Variants in LYN observed in about 807,000 individuals in gnomAD.
LYN encodes tyrosine-protein kinase Lyn.
A neutral mutation model predicts 65.0 loss-of-function variants in LYN; 12 were observed. That is an observed-to-expected ratio of 0.18 (90% CI 0.12 to 0.30). The LOEUF is 0.30. Ranked by LOEUF, LYN falls within the 10% of genes least tolerant of loss-of-function variation. The pLI is 1.00. For missense variants in LYN, 380 were observed against 623.2 expected (o/e 0.61, Z 4.16); for synonymous variants, 222 against 221.2 (o/e 1.00, Z -0.03).
intron 4 of LYN, among the ~76,000 whole-genome samples, 197 bp downstream of exon 4, chr8:55,947,920 C>G (rs1196886966): frequency 6.6e-6 from 1 of 152,158 alleles, no homozygotes; most frequent in African/African-American, 2.4e-5. Flanking sequence ...TTAAGTCGGT[C>G]TGTGAGCACA....
intron 1 of LYN, among the ~76,000 whole-genome samples, chr8:55,924,641 C>T (rs1044810743): frequency 8.6e-5 from 13 of 151,872 alleles, no homozygotes; most frequent in African/African-American, 2.9e-4. Flanking sequence ...TGAGATTACA[C>T]GCATGAGCCA....
Position 55,911,190 on chromosome 8 carries a change from C to CGTGTATATATATGT in LYN, c.-5-30665_-5-30664insGTGTATATATATGT, listed in dbSNP as rs1554576221. ...ATATACACGTATATATATATATATA[C>CGTGTATATATATGT]ACACACACATATATATATACACGTG... On this transcript the variant is annotated intron_variant, in intron 1 of 12. Coordinates refer to ENST00000519728, the MANE Select transcript of LYN (RefSeq NM_002350.4). 5.2e-4 allele frequency among the ~76,000 whole-genome samples: 6 copies of CGTGTATATATATGT among 11,576 alleles called. 1 individual carries two copies. The highest frequency in any genetic ancestry group is 0.14 in the East Asian group (2 of 14). The allele number at this position is 11,576 out of a possible 152,430, so 7.6% of individuals were successfully genotyped here. A position where few individuals can be genotyped will look rare whatever the true frequency, so the allele number is the denominator to read the frequency against.
intron 10 of LYN, among the ~76,000 whole-genome samples, chr8:55,985,388 G>A (rs1040586935): frequency 6.6e-6 from 1 of 152,072 alleles, no homozygotes; most frequent in Admixed American, 6.6e-5. Context: ...GGCTTCCCTC[G>A]CAAACACATG....
intron 1 of LYN, among the ~76,000 whole-genome samples, chr8:55,886,982 T>C (rs1804815409): frequency 6.6e-6 from 1 of 152,246 alleles, no homozygotes; most frequent in African/African-American, 2.4e-5. Context: ...TTTGTATCCA[T>C]TAATCAACAT....
chr8:55,890,328 A>G (rs1422749143), intron 1 of LYN, among the ~76,000 whole-genome samples: 1 of 152,104 alleles, frequency 6.6e-6, no homozygotes, highest in Non-Finnish European at 1.5e-5. Flanking sequence ...AATAATAACA[A>G]TAATAAAAAG....
At chr8:55,890,227 G>C (rs1204460325) in intron 1 of LYN, among the ~76,000 whole-genome samples, 2 of 151,882 alleles carry the variant, frequency 1.3e-5, no homozygotes, top group Admixed American at 6.6e-5. Flanking sequence ...CAGGAGGATT[G>C]CTTGAGCCCA....
At position 55,952,156 on chromosome 8, in the gene LYN, G is replaced by C. The variant is rs778427830; in HGVS notation, c.637+41G>C. On this transcript the variant is annotated intron_variant, in intron 7 of 12. Coordinates refer to ENST00000519728, the MANE Select transcript of LYN (RefSeq NM_002350.4). ...AGGTTCAACAAGACAAGATATATTT[G>C]TTATGATATGTATAAGACGTCAAAC... is the stretch of plus-strand genomic sequence containing the variant. 7.3e-6 allele frequency: 11 copies of C among 1,506,186 alleles called. No homozygotes were observed. In the African/African-American group the frequency reaches 1.3e-4, roughly 17 times the overall value. 93.3% of individuals were successfully genotyped at this position (1,506,186 alleles called of 1,614,324 possible).
At chr8:55,887,595 C>CACACACACACACACACACACACAA (rs1804837362) in intron 1 of LYN, among the ~76,000 whole-genome samples, 1 of 110,524 alleles carries the variant, frequency 9.0e-6, no homozygotes, top group Non-Finnish European at 1.9e-5. Context: ...CACACACACA[C>CACACACACACACACACACACACAA]ACACACACAT....
intron 1 of LYN, among the ~76,000 whole-genome samples, chr8:55,921,732 G>C (rs1474544380): frequency 6.6e-6 from 1 of 152,200 alleles, no homozygotes; most frequent in African/African-American, 2.4e-5. Flanking sequence ...CCTGGGAGAG[G>C]CAGGGAGGGG....
At chr8:55,984,017 G>A (rs1163046180) in intron 10 of LYN, among the ~76,000 whole-genome samples, 11 of 152,058 alleles carry the variant, frequency 7.2e-5, no homozygotes, top group African/African-American at 1.9e-4. Context: ...TGGCAGCTCC[G>A]ATGTTCCATT....
intron 1 of LYN, among the ~76,000 whole-genome samples, chr8:55,900,539 A>ATTTTTTT (rs5891598): frequency 7.9e-6 from 1 of 126,448 alleles, no homozygotes. Flanking sequence ...TGCCCAGCTA[A>ATTTTTTT]TTTTTTTTTT....
intron 10 of LYN, among the ~76,000 whole-genome samples, chr8:55,985,191 T>C (rs1808042702): frequency 6.6e-6 from 1 of 152,248 alleles, no homozygotes; most frequent in Admixed American, 6.5e-5. Flanking sequence ...CTCACTGCTC[T>C]AAGTGAGTGA....
At chr8:55,893,949 G>A (rs957763097) in intron 1 of LYN, 1 of 152,224 alleles carries the variant, frequency 6.6e-6, no homozygotes, top group African/African-American at 2.4e-5. Context: ...TGGGACTAGA[G>A]GCATGTGCCA....
chr8:55,995,333 T>G (rs1808346368), intron 10 of LYN, among the ~76,000 whole-genome samples: 1 of 152,162 alleles, frequency 6.6e-6, no homozygotes, highest in Non-Finnish European at 1.5e-5. Context: ...GCTGTGCATC[T>G]CCCCAGTGCT....
At chr8:55,979,806 G>A (rs1274841701) in intron 10 of LYN, among the ~76,000 whole-genome samples, 1 of 152,212 alleles carries the variant, frequency 6.6e-6, no homozygotes, top group Non-Finnish European at 1.5e-5. Context: ...CCAAGCAGCA[G>A]CCTGACACCC....
chr8:55,915,337 T>G (rs1011756763), intron 1 of LYN, among the ~76,000 whole-genome samples: 1 of 152,232 alleles, frequency 6.6e-6, no homozygotes, highest in Non-Finnish European at 1.5e-5. Flanking sequence ...TGTTTAAATA[T>G]ATTTTATTAA....
At chr8:55,928,466 A>G (rs1369477250) in intron 1 of LYN, among the ~76,000 whole-genome samples, 1 of 152,114 alleles carries the variant, frequency 6.6e-6, no homozygotes, top group East Asian at 1.9e-4. Context: ...TTAATTTGCA[A>G]TTCCCAGGTG....
At chr8:55,966,387 A>T (rs1401888655) in intron 8 of LYN, among the ~76,000 whole-genome samples, 1 of 144,090 alleles carries the variant, frequency 6.9e-6, no homozygotes, top group African/African-American at 2.6e-5. Context: ...TTTTTAATTG[A>T]GACGGAGTCG....
At chr8:55,930,789 G>A (rs1029322068) in intron 1 of LYN, among the ~76,000 whole-genome samples, 11 of 152,140 alleles carry the variant, frequency 7.2e-5, no homozygotes, top group Admixed American at 2.6e-4. Flanking sequence ...GCTTCATTCC[G>A]GTCATACCAG....
Sources: allele counts gnomAD v4.1 joint callset (sites outside exome capture counted in the v4.1 genomes callset), GRCh38; gene constraint gnomAD v4.1.1; transcripts MANE v1.5; gene names NCBI Gene and HGNC (gene_info 2026-07-23, HGNC 2026-07-21).